ABCG2: variants seen among roughly 807,000 people sequenced by gnomAD.
ABCG2 encodes ATP binding cassette subfamily G member 2 (JR blood group), also known as broad substrate specificity ATP-binding cassette transporter ABCG2.
A neutral mutation model predicts 73.5 loss-of-function variants in ABCG2; 80 were observed. The observed-to-expected ratio is 1.09, with a 90% CI of 0.91 to 1.31. ABCG2 has a LOEUF of 1.31. Among genes scored for constraint, ABCG2 ranks in the 50% most tolerant of loss-of-function variants. ABCG2 has a pLI of 0.00. For missense variants in ABCG2, 796 were observed against 786.2 expected, an observed-to-expected ratio of 1.01 and a Z score of -0.15; for synonymous variants, 269 against 282.4, an observed-to-expected ratio of 0.95 and a Z score of 0.48.
At chr4:88,192,056 C>T (rs1284346287) in intron 1 of ABCG2, among the ~76,000 whole-genome samples, 1 of 151,820 alleles carries the variant, frequency 6.6e-6, no homozygotes, top group Non-Finnish European at 1.5e-5. Context: ...CCTGTAGCCC[C>T]AGCTACCCAG....
At chr4:88,203,234 G>A (rs1346456114) in intron 1 of ABCG2, among the ~76,000 whole-genome samples, 1 of 152,074 alleles carries the variant, frequency 6.6e-6, no homozygotes, top group African/African-American at 2.4e-5. Context: ...AGGATGAGGC[G>A]AAAAGATGAA....
chr4:88,114,537 G>T (rs2110009196), intron 8 of ABCG2, among the ~76,000 whole-genome samples: 1 of 151,668 alleles, frequency 6.6e-6, no homozygotes, highest in East Asian at 1.9e-4. Flanking sequence ...TGAGGCAGGA[G>T]AGTGGCTTGA....
intron 7 of ABCG2, among the ~76,000 whole-genome samples, chr4:88,115,279 T>TAC: frequency 8.5e-6 from 1 of 117,692 alleles, no homozygotes; most frequent in Non-Finnish European, 1.8e-5. Flanking sequence ...TATATATATA[T>TAC]ATATAATTTA....
intron 2 of ABCG2, 75 bp downstream of exon 2, chr4:88,139,718 T>C (rs1725490819): frequency 2.2e-6 from 3 of 1,342,826 alleles, no homozygotes; most frequent in Non-Finnish European, 3.1e-6. Context: ...GCCAGTTTCT[T>C]GGAAATAGCC....
upstream of ABCG2, chr4:88,158,894 C>A (rs940942372): frequency 2.9e-6 from 1 of 340,294 alleles, no homozygotes; most frequent in Non-Finnish European, 5.7e-6. Context: ...GGCTGTGGAC[C>A]GCCAGAGCTG....
At chr4:88,128,522 C>T (rs2110035444) in intron 5 of ABCG2, among the ~76,000 whole-genome samples, 1 of 152,264 alleles carries the variant, frequency 6.6e-6, no homozygotes, top group South Asian at 2.1e-4. Context: ...GGAACCAACC[C>T]AAATGCCCAT....
intron 1 of ABCG2, among the ~76,000 whole-genome samples, chr4:88,153,292 T>C (rs112063696): frequency 0.015 from 2,228 of 151,914 alleles, 57 homozygotes; most frequent in African/African-American, 0.051. Context: ...ATAGTAGGGA[T>C]GACAAGTTTT....
chr4:88,224,925 C>T (rs1730148106), intron 1 of ABCG2, among the ~76,000 whole-genome samples: 1 of 152,148 alleles, frequency 6.6e-6, no homozygotes, highest in Admixed American at 6.5e-5. Flanking sequence ...TTCCCCAGCA[C>T]CATTTATTGA....
rs764320552 is a variant in ABCG2, at chr4:88,107,286, C to T, written c.1195-20G>A. ...AATGATCTTTTCAAAAAGAAAAATG[C>T]AAAAAAAGGGGAAGAGTTTCAATTA... On this transcript the variant is annotated intron_variant, in intron 9 of 15. Transcript: ENST00000237612. 6.5e-7 allele frequency: 1 copy of T among 1,540,154 alleles called. No homozygotes were observed. Among genetic ancestry groups the T allele is most frequent in the South Asian group, 1.2e-5 (1 of 83,272 alleles).
chr4:88,175,309 C>T (rs918510029), intron 1 of ABCG2, among the ~76,000 whole-genome samples: 1 of 152,114 alleles, frequency 6.6e-6, no homozygotes, highest in African/African-American at 2.4e-5. Context: ...TTGTATACTT[C>T]CGTTAGGAAG....
chr4:88,123,756 A>G (rs1578200970), intron 5 of ABCG2, among the ~76,000 whole-genome samples: 1 of 152,212 alleles, frequency 6.6e-6, no homozygotes, highest in South Asian at 2.1e-4. Context: ...GATATTATCC[A>G]GAAGAACTTC....
chr4:88,192,187 A>C lies in ABCG2; in HGVS notation c.-20+38807T>G, dbSNP rs909876882. 2.6e-5 allele frequency among the ~76,000 whole-genome samples: 4 copies of C among 151,788 alleles called. No homozygotes were observed. In the East Asian group the frequency reaches 7.7e-4, roughly 29 times the overall value. On this transcript the variant is annotated intron_variant, in intron 1 of 15. Coordinates refer to the ABCG2 transcript ENST00000515655. Reference sequence around the variant, plus strand: ...CAGAGCAAAACTCTGTGTCAAGAAAAAAAAAAAAAAGAAAGAAATTTGTTT... The same window carrying C: ...CAGAGCAAAACTCTGTGTCAAGAAACAAAAAAAAAAGAAAGAAATTTGTTT...
At chr4:88,162,998 T>C (rs1727375034), upstream of ABCG2, among the ~76,000 whole-genome samples, 1 of 152,218 alleles carries the variant, frequency 6.6e-6, no homozygotes, top group Non-Finnish European at 1.5e-5. Flanking sequence ...TCTTAGTGCT[T>C]ACTCCAAAGG....
upstream of ABCG2, chr4:88,159,013 G>A (rs967708640): frequency 8.0e-6 from 3 of 376,228 alleles, no homozygotes; most frequent in African/African-American, 2.2e-5. Flanking sequence ...CTGCGACCCG[G>A]CTGAAAGCGC....
At chr4:88,186,243 G>A (rs1728451104) in intron 1 of ABCG2, among the ~76,000 whole-genome samples, 1 of 152,186 alleles carries the variant, frequency 6.6e-6, no homozygotes, top group African/African-American at 2.4e-5. Flanking sequence ...ATTATGTCAA[G>A]TGAAATAAGC....
At chr4:88,124,946 T>A (rs1397940002) in intron 5 of ABCG2, among the ~76,000 whole-genome samples, 4 of 152,208 alleles carry the variant, frequency 2.6e-5, no homozygotes, top group African/African-American at 9.6e-5. Context: ...ACGGAAATCA[T>A]AACCAACAGT....
intron 5 of ABCG2, among the ~76,000 whole-genome samples, chr4:88,130,386 T>A (rs574464207): frequency 2.0e-5 from 3 of 151,952 alleles, no homozygotes; most frequent in African/African-American, 7.2e-5. Flanking sequence ...CACCCCCAAA[T>A]GGGACCATCT....
chr4:88,132,574 A>G lies in ABCG2; in HGVS notation c.263+2T>C. 6.2e-7 allele frequency: 1 copy of G among 1,614,094 alleles called. No individual in the cohort carries two copies. Among genetic ancestry groups the G allele is most frequent in the African/African-American group, 1.3e-5 (1 of 75,016 alleles). On this transcript the variant is annotated splice_donor_variant, in intron 3 of 15. Coordinates refer to ENST00000237612, the MANE Select transcript of ABCG2 (RefSeq NM_004827.3). LOFTEE classifies it high-confidence loss of function. ...CGCTTACTTATACTCTCTTATACTCACGAAGATTTGCCTCCACCTGTGGGT... is the reference window on the plus strand; with the variant it reads ...CGCTTACTTATACTCTCTTATACTCGCGAAGATTTGCCTCCACCTGTGGGT...
chr4:88,216,854 A>AC (rs1332968601), intron 1 of ABCG2, among the ~76,000 whole-genome samples: 2 of 151,544 alleles, frequency 1.3e-5, no homozygotes, highest in African/African-American at 2.4e-5. Flanking sequence ...AAATGGCGAA[A>AC]CCCCCCTCTC....
Sources: allele counts gnomAD v4.1 joint callset (sites outside exome capture counted in the v4.1 genomes callset), GRCh38; gene constraint gnomAD v4.1.1; transcripts MANE v1.5; gene names NCBI Gene and HGNC (gene_info 2026-07-23, HGNC 2026-07-21).